Variants in KBTBD11 observed in about 807,000 individuals in gnomAD.
The protein encoded by KBTBD11 is kelch repeat and BTB domain containing 11.
For synonymous variants in KBTBD11, 747 were observed against 499.0 expected (o/e 1.50, Z -6.63); for missense variants, 1,390 against 1,001.8 (o/e 1.39, Z -5.23).
At chr8:1,980,442 G>T (rs1191663629) in intron 1 of KBTBD11, among the ~76,000 whole-genome samples, 1 of 152,146 alleles carries the variant, frequency 6.6e-6, no homozygotes, top group African/African-American at 2.4e-5. Flanking sequence ...GGCCAGGATG[G>T]TCCCAATCTC....
Position 2,002,464 on chromosome 8 carries a change from C to A in KBTBD11, c.1272C>A (p.Ser424Arg). 6.6e-7 allele frequency: 1 copy of A among 1,511,414 alleles called. No individual in the cohort carries two copies. The allele number at this position is 1,511,414 out of a possible 1,614,324, so 93.6% of individuals were successfully genotyped here. Residue 424 changes from serine (S) to arginine (R), a missense_variant, in exon 2 of 2, where the codon AGC becomes AGA. Transcript: ENST00000320248. This position sits in a 1 kb window ranked among gnomAD's most constrained non-coding sequence, Gnocchi z 4.1. ...CCGTGGGCGGCGAGTGCCTGCTCAG[C>A]GTGGAGCGCTACGACCCGCGCGCCG... is the stretch of plus-strand genomic sequence containing the variant. Reference protein sequence around the residue: ...LYAVGGECLLSVERYDPRADR... With the variant: ...LYAVGGECLLRVERYDPRADR...
At chr8:1,981,127 G>T (rs1816527040) in intron 1 of KBTBD11, among the ~76,000 whole-genome samples, 1 of 152,138 alleles carries the variant, frequency 6.6e-6, no homozygotes, top group Admixed American at 6.5e-5. Flanking sequence ...GAGAGAGTAG[G>T]GTGATCTATT....
intron 1 of KBTBD11, among the ~76,000 whole-genome samples, chr8:1,992,893 T>C (rs1453673114): frequency 1.3e-5 from 2 of 152,104 alleles, no homozygotes; most frequent in Admixed American, 1.3e-4. Context: ...GGATAATATC[T>C]TAATCTGCCA....
At chr8:1,987,106 C>T (rs1255984650) in intron 1 of KBTBD11, among the ~76,000 whole-genome samples, 2 of 152,020 alleles carry the variant, frequency 1.3e-5, no homozygotes, top group Admixed American at 6.6e-5. Context: ...ACTGGAAGCC[C>T]TGTGGTCCCG....
At chr8:1,974,070 G>A in intron 1 of KBTBD11, 135 bp downstream of exon 1, 1 of 655,052 alleles carries the variant, frequency 1.5e-6, no homozygotes, top group Non-Finnish European at 1.9e-6. Flanking sequence ...GAGAAAAGGG[G>A]AGGCCGGCAG....
intron 1 of KBTBD11, among the ~76,000 whole-genome samples, chr8:1,991,090 C>T (rs894180161): frequency 2.1e-5 from 3 of 143,680 alleles, no homozygotes; most frequent in African/African-American, 7.9e-5. Flanking sequence ...GCGCCCTGTC[C>T]GGGTAGATGC....
chr8:2,001,305 G>A lies in KBTBD11; in HGVS notation c.113G>A (p.Gly38Asp). 2 of 1,525,266 alleles carry A rather than the reference G, an allele frequency of 1.3e-6. No individual in the cohort carries two copies. The highest frequency in any genetic ancestry group is 1.7e-6 in the Non-Finnish European group (2 of 1,144,778). The allele number at this position is 1,525,266 out of a possible 1,614,324, so 94.5% of individuals were successfully genotyped here. A position where few individuals can be genotyped will look rare whatever the true frequency, so the allele number is the denominator to read the frequency against. Residue 38 changes from glycine to aspartate, a missense_variant, in exon 2 of 2, where the codon GGC (glycine) becomes GAC (aspartate). Gly to Asp is a moderately conservative substitution (Grantham distance 94). Coordinates refer to ENST00000320248, the MANE Select transcript of KBTBD11 (RefSeq NM_014867.3). ...CCGGCGCAGACACCCTGCAGTCTCG[G>A]CGCGTCCCTGTGCTTCAGCTCCGGG... ...ASPAQTPCSL[G>D]ASLCFSSGEE...
Position 2,003,026 on chromosome 8 carries a change from C to T in KBTBD11, c.1834C>T (p.Pro612Ser). 6.3e-6 allele frequency: 8 copies of T among 1,275,072 alleles called. No individual in the cohort carries two copies. The highest frequency in any genetic ancestry group is 7.9e-6 in the Non-Finnish European group (8 of 1,009,818). 79.0% of individuals were successfully genotyped at this position (1,275,072 alleles called of 1,614,324 possible). The change falls in exon 2 of 2, where the codon CCT (proline) becomes TCT (serine). Residue 612 changes from proline to serine, a missense_variant. By Grantham distance (74) the Pro-to-Ser change is moderately conservative. Coordinates refer to ENST00000320248, the MANE Select transcript of KBTBD11 (RefSeq NM_014867.3). ...GVLIPFALSL[P>S]EKPPRGEQGA... Reference sequence around the variant, plus strand: ...GCTCATCCCGTTCGCTCTCAGCCTGCCTGAGAAGCCGCCCCGAGGGGAGCA... The same window carrying T: ...GCTCATCCCGTTCGCTCTCAGCCTGTCTGAGAAGCCGCCCCGAGGGGAGCA...
At chr8:1,975,156 C>T (rs1302475118) in intron 1 of KBTBD11, 1 of 152,264 alleles carries the variant, frequency 6.6e-6, no homozygotes, top group Non-Finnish European at 1.5e-5. Flanking sequence ...GCAACAACCT[C>T]GTGTGTGCAG....
At chr8:1,994,029 A>C (rs1316904563) in intron 1 of KBTBD11, among the ~76,000 whole-genome samples, 2 of 151,750 alleles carry the variant, frequency 1.3e-5, no homozygotes, top group Non-Finnish European at 2.9e-5. Flanking sequence ...GACAGAGGGG[A>C]GTGAGGCATG....
chr8:1,989,923 G>GTTTTTTTTT (rs5888896), intron 1 of KBTBD11, among the ~76,000 whole-genome samples: 3 of 71,714 alleles, frequency 4.2e-5, no homozygotes, highest in Admixed American at 2.1e-4. Context: ...GTCTCAGGTG[G>GTTTTTTTTT]TTTTTTTTTT....
intron 1 of KBTBD11, among the ~76,000 whole-genome samples, chr8:1,984,323 C>G (rs2129310397): frequency 7.3e-6 from 1 of 136,246 alleles, no homozygotes; most frequent in East Asian, 2.1e-4. Context: ...GAGTCTTGCA[C>G]TTTCACCCAG....
At chr8:1,994,068 C>G (rs1817042312) in intron 1 of KBTBD11, among the ~76,000 whole-genome samples, 4 of 152,042 alleles carry the variant, frequency 2.6e-5, no homozygotes, top group African/African-American at 7.3e-5. Context: ...GCAGATTGCT[C>G]AATACTTCGT....
intron 1 of KBTBD11, 181 bp downstream of exon 1, chr8:1,974,116 AGGGG>A (rs1563357699): frequency 4.6e-5 from 1 of 21,940 alleles, no homozygotes; most frequent in Non-Finnish European, 6.0e-5. Context: ...CAGGGGAGGG[AGGGG>A]AGCGGAGCGG....
At chr8:1,988,071 T>C (rs1419872681) in intron 1 of KBTBD11, among the ~76,000 whole-genome samples, 5 of 152,242 alleles carry the variant, frequency 3.3e-5, no homozygotes, top group Non-Finnish European at 7.3e-5. Flanking sequence ...CTCATCCTTT[T>C]TATGGTTGCA....
intron 1 of KBTBD11, among the ~76,000 whole-genome samples, chr8:1,985,034 G>T (rs963666280): frequency 2.6e-5 from 4 of 152,162 alleles, no homozygotes; most frequent in African/African-American, 9.7e-5. Flanking sequence ...ATGCTCTAAG[G>T]GGCATCCACA....
chr8:1,987,207 G>T (rs1465034242), intron 1 of KBTBD11, among the ~76,000 whole-genome samples: 1 of 151,996 alleles, frequency 6.6e-6, no homozygotes, highest in East Asian at 1.9e-4. Context: ...AAAGACATAG[G>T]TGTTTTTTAA....
At chr8:1,983,426 C>T (rs147827514) in intron 1 of KBTBD11, among the ~76,000 whole-genome samples, 8 of 152,340 alleles carry the variant, frequency 5.3e-5, no homozygotes, top group East Asian at 3.9e-4. Flanking sequence ...TGCCTGCCAC[C>T]GCTCCGTGAC....
rs952923688 is a variant in KBTBD11, at chr8:1,985,356, C to T, written c.-909+11421C>T. Among the ~76,000 whole-genome samples the T allele has an allele frequency of 1.0e-4, 16 of 152,396 alleles. No individual in the cohort carries two copies. In the East Asian group the frequency reaches 1.7e-3, roughly 17 times the overall value. On this transcript the variant is annotated intron_variant, in intron 1 of 1. Transcript: ENST00000320248. ...GCCTGCCTGACCTGGCCGACTCCCGCGCCACCTGGCTTTATTCCTCTGAAA... is the reference window on the plus strand; with the variant it reads ...GCCTGCCTGACCTGGCCGACTCCCGTGCCACCTGGCTTTATTCCTCTGAAA...
Sources: gnomAD v4.1 joint callset for allele counts (sites outside exome capture counted in the v4.1 genomes callset) on GRCh38, gnomAD v4.1.1 for gene constraint, Gnocchi (gnomAD v3.1) non-coding constraint, MANE v1.5 for transcripts, NCBI Gene and HGNC (gene_info 2026-07-23, HGNC 2026-07-21) for gene names.